TMEM132D: variants seen among roughly 807,000 people sequenced by gnomAD.
TMEM132D encodes transmembrane protein 132D.
A neutral mutation model predicts 62.3 loss-of-function variants in TMEM132D; 21 were observed. The observed-to-expected ratio is 0.34, with a 90% CI of 0.24 to 0.49. The LOEUF (loss-of-function observed/expected upper bound fraction) is 0.49, where lower values mean the gene tolerates loss of function less well. Ranked by LOEUF, TMEM132D falls within the 20% of genes least tolerant of loss-of-function variation. The pLI, the probability that TMEM132D is intolerant of heterozygous loss-of-function variation, is 0.99. For missense variants in TMEM132D, 1,346 were observed against 1,402.8 expected (o/e 0.96, Z 0.65); for synonymous variants, 621 against 575.6 (o/e 1.08, Z -1.13).
chr12:129,132,111 A>G (rs1471301672), intron 5 of TMEM132D, among the ~76,000 whole-genome samples: 5 of 152,174 alleles, frequency 3.3e-5, no homozygotes, highest in Admixed American at 3.3e-4. Flanking sequence ...TTTATAAGGC[A>G]TTTTTACAGG....
At chr12:129,553,142 G>A (rs1876948291) in intron 2 of TMEM132D, among the ~76,000 whole-genome samples, 1 of 152,114 alleles carries the variant, frequency 6.6e-6, no homozygotes, top group South Asian at 2.1e-4. Flanking sequence ...TTGCGCGTTT[G>A]CTCCCAGCTG....
At chr12:129,781,333 G>A (rs1167970244) in intron 1 of TMEM132D, among the ~76,000 whole-genome samples, 1 of 152,146 alleles carries the variant, frequency 6.6e-6, no homozygotes, top group Non-Finnish European at 1.5e-5. Flanking sequence ...TGCAAAGCAG[G>A]CTGAGAAAAC....
chr12:129,433,846 G>A (rs1872723638), intron 3 of TMEM132D, among the ~76,000 whole-genome samples: 1 of 152,176 alleles, frequency 6.6e-6, no homozygotes, highest in Non-Finnish European at 1.5e-5. Flanking sequence ...CTCATGGCAG[G>A]AGTGCATCTG....
intron 4 of TMEM132D, among the ~76,000 whole-genome samples, chr12:129,227,319 A>ATATATATATATATG (rs1193510600): frequency 2.9e-5 from 4 of 139,978 alleles, no homozygotes; most frequent in African/African-American, 1.1e-4. Flanking sequence ...ATATATATAT[A>ATATATATATATATG]TATATATGGC....
At chr12:129,181,917 A>G (rs1199592334) in intron 5 of TMEM132D, among the ~76,000 whole-genome samples, 1 of 152,112 alleles carries the variant, frequency 6.6e-6, no homozygotes, top group Non-Finnish European at 1.5e-5. Flanking sequence ...GTAGAGACAA[A>G]CTTCTCTGTT....
In TMEM132D at chr12:129,779,152, C is replaced by T. The variant is rs899596901; in HGVS notation, c.80-78454G>A. ...GGCATCACATTCCAAATCCACCCAG[C>T]AGGAAGGATACAAGGCCTTAGGAAG... is the stretch of plus-strand genomic sequence containing the variant. On this transcript the variant is annotated intron_variant, in intron 1 of 8. Coordinates refer to ENST00000422113, the MANE Select transcript of TMEM132D (RefSeq NM_133448.3). This position sits in a 1 kb window ranked among gnomAD's most constrained non-coding sequence, Gnocchi z 4.1. Among the ~76,000 whole-genome samples, 9 of 152,172 alleles carry T rather than the reference C, an allele frequency of 5.9e-5. No homozygotes were observed. The highest frequency in any genetic ancestry group is 2.2e-4 in the African/African-American group (9 of 41,446).
intron 2 of TMEM132D, among the ~76,000 whole-genome samples, chr12:129,572,278 G>A (rs1877534678): frequency 6.6e-6 from 1 of 152,238 alleles, no homozygotes; most frequent in Non-Finnish European, 1.5e-5. Context: ...ATAAGGTCGT[G>A]CTGCCTTGAC....
chr12:129,760,477 C>T (rs918543313), intron 1 of TMEM132D, among the ~76,000 whole-genome samples: 3 of 150,482 alleles, frequency 2.0e-5, no homozygotes, highest in Admixed American at 2.0e-4. Flanking sequence ...GACTACAGGC[C>T]CCCGCCTCCA....
At chr12:129,137,473 C>T (rs1001691819) in intron 5 of TMEM132D, among the ~76,000 whole-genome samples, 1 of 152,104 alleles carries the variant, frequency 6.6e-6, no homozygotes, top group South Asian at 2.1e-4. Context: ...TGGTGGTAAG[C>T]GGTTAAATTA....
chr12:129,290,411 T>G (rs559541582), intron 4 of TMEM132D, among the ~76,000 whole-genome samples: 1 of 152,272 alleles, frequency 6.6e-6, no homozygotes, highest in African/African-American at 2.4e-5. Flanking sequence ...CCTACACTAT[T>G]CTAATTAACA....
chr12:129,328,525 C>T (rs1282736346), intron 4 of TMEM132D, among the ~76,000 whole-genome samples: 3 of 152,226 alleles, frequency 2.0e-5, no homozygotes, highest in Non-Finnish European at 4.4e-5. Context: ...GTTCAGCCGA[C>T]ACCGCCATCT....
chr12:129,285,469 G>C (rs1283387077), intron 4 of TMEM132D, among the ~76,000 whole-genome samples: 2 of 140,702 alleles, frequency 1.4e-5, no homozygotes, highest in Non-Finnish European at 3.0e-5. Flanking sequence ...AGAGGTTGCA[G>C]TGAGCCAAGA....
chr12:129,106,511 TGATGCA>T (rs948154737), intron 5 of TMEM132D, among the ~76,000 whole-genome samples: 2 of 152,182 alleles, frequency 1.3e-5, no homozygotes, highest in African/African-American at 4.8e-5. Context: ...TACAAATGAC[TGATGCA>T]GATTCTGTCT....
chr12:129,263,041 C>T (rs1331888329), intron 4 of TMEM132D, among the ~76,000 whole-genome samples: 1 of 152,158 alleles, frequency 6.6e-6, no homozygotes, highest in Non-Finnish European at 1.5e-5. Flanking sequence ...AACGTATTCT[C>T]CATTTCCCTG....
intron 2 of TMEM132D, among the ~76,000 whole-genome samples, chr12:129,683,227 G>T (rs1880829387): frequency 6.6e-6 from 1 of 152,032 alleles, no homozygotes; most frequent in Non-Finnish European, 1.5e-5. Flanking sequence ...CTCTGGGGCT[G>T]CATGTTAGAA....
chr12:129,878,946 C>T (rs1445235590), intron 1 of TMEM132D, among the ~76,000 whole-genome samples: 1 of 152,182 alleles, frequency 6.6e-6, no homozygotes, highest in Non-Finnish European at 1.5e-5. Context: ...TCTCCTCCCT[C>T]TGCCCTCCAG....
chr12:129,751,715 TG>T (rs1458371918), intron 1 of TMEM132D, among the ~76,000 whole-genome samples: 3 of 152,238 alleles, frequency 2.0e-5, no homozygotes, highest in Non-Finnish European at 4.4e-5. Context: ...GCATTAAACA[TG>T]GATTGTCCAA....
At chr12:129,248,532 T>C (rs1031393787) in intron 4 of TMEM132D, among the ~76,000 whole-genome samples, 3 of 152,128 alleles carry the variant, frequency 2.0e-5, no homozygotes, top group East Asian at 3.8e-4. Context: ...CTGATTTTTT[T>C]TTTTTTATTA....
intron 3 of TMEM132D, among the ~76,000 whole-genome samples, chr12:129,375,764 G>A (rs1241813897): frequency 1.3e-5 from 2 of 152,140 alleles, no homozygotes; most frequent in East Asian, 1.9e-4. Flanking sequence ...GGTCTGAGAT[G>A]TTACCTAGCA....
Sources: gnomAD v4.1 joint callset for allele counts (sites outside exome capture counted in the v4.1 genomes callset) on GRCh38, gnomAD v4.1.1 for gene constraint, Gnocchi (gnomAD v3.1) non-coding constraint, MANE v1.5 for transcripts, NCBI Gene and HGNC (gene_info 2026-07-23, HGNC 2026-07-21) for gene names.